HDAC9: variants seen among roughly 807,000 people sequenced by gnomAD.
The protein encoded by HDAC9 is MEF-2 interacting transcription repressor (MITR) protein.
In HDAC9, 41 loss-of-function variants were observed where a neutral mutation model predicts 139.4. That is an observed-to-expected ratio of 0.29 (90% CI 0.23 to 0.38). The LOEUF (loss-of-function observed/expected upper bound fraction) is 0.38. HDAC9 is among the 10% of genes least tolerant of loss of function. The probability of loss-of-function intolerance (pLI) is 1.00; values close to 1 mark genes in which losing one functional copy is unlikely to be tolerated. For missense variants in HDAC9, 1,147 were observed against 1,297.0 expected (o/e 0.88, Z 1.78); for synonymous variants, 517 against 476.2 (o/e 1.09, Z -1.12).
At chr7:18,778,664 T>A (rs141934320) in intron 16 of HDAC9, among the ~76,000 whole-genome samples, 2 of 152,164 alleles carry the variant, frequency 1.3e-5, no homozygotes, top group African/African-American at 4.8e-5. Context: ...ATTCCTTTAC[T>A]GGTCTTTACT....
chr7:18,705,507 A>G (rs1422453194), intron 12 of HDAC9, among the ~76,000 whole-genome samples: 3 of 152,052 alleles, frequency 2.0e-5, no homozygotes, highest in Non-Finnish European at 4.4e-5. Context: ...TTCTATTCCA[A>G]TGATTAACCG....
At chr7:18,834,318 C>A (rs1473909700) in intron 19 of HDAC9, among the ~76,000 whole-genome samples, 1 of 150,634 alleles carries the variant, frequency 6.6e-6, no homozygotes, top group Non-Finnish European at 1.5e-5. Context: ...ATAAATTATC[C>A]ACTTTTGGAG....
intron 1 of HDAC9, among the ~76,000 whole-genome samples, chr7:18,344,288 T>C (rs1782237097): frequency 6.6e-6 from 1 of 151,880 alleles, no homozygotes; most frequent in African/African-American, 2.4e-5. Flanking sequence ...TTATGTACTA[T>C]GTGGTAGGAA....
chr7:18,147,634 CA>C (rs1189454382), intron 1 of HDAC9, among the ~76,000 whole-genome samples: 2 of 141,664 alleles, frequency 1.4e-5, no homozygotes, highest in Non-Finnish European at 3.1e-5. Context: ...CCTCAGGACT[CA>C]TTTTTTTTTT....
rs528205630 is a variant in HDAC9 at position 18,337,558 on chromosome 7, A to G, written c.-42+47043A>G. The stretch of plus-strand genomic sequence containing the variant: ...TAATGTTATAATAATGTGCATTTTT[A>G]GTTCCTGATCTCATCTTCCTTGCAA... On this transcript the variant is annotated intron_variant, in intron 1 of 3. Transcript: ENST00000413509. Among the ~76,000 whole-genome samples, 3 of 151,844 alleles carry G rather than the reference A, an allele frequency of 2.0e-5. No homozygotes were observed. In the South Asian group the frequency reaches 6.2e-4, roughly 31 times the overall value.
At chr7:18,505,323 C>G (rs1429036065) in intron 2 of HDAC9, among the ~76,000 whole-genome samples, 1 of 152,086 alleles carries the variant, frequency 6.6e-6, no homozygotes, top group African/African-American at 2.4e-5. Context: ...TTATGGGGTT[C>G]ATTTATTTTG....
intron 22 of HDAC9, among the ~76,000 whole-genome samples, chr7:18,908,639 G>A (rs1255470405): frequency 6.6e-6 from 1 of 151,912 alleles, no homozygotes; most frequent in Non-Finnish European, 1.5e-5. Flanking sequence ...GTGAGATTGT[G>A]CGGTATTTAT....
chr7:18,960,950 G>A (rs747422490), intron 24 of HDAC9, among the ~76,000 whole-genome samples: 6 of 152,138 alleles, frequency 3.9e-5, no homozygotes, highest in African/African-American at 9.7e-5. Context: ...AACTAAAAGC[G>A]TTGTTTCTCC....
chr7:18,165,992 G>A (rs905202274), intron 2 of HDAC9, among the ~76,000 whole-genome samples: 8 of 152,028 alleles, frequency 5.3e-5, no homozygotes, highest in African/African-American at 1.9e-4. Context: ...TTTTAACCCA[G>A]GGCAGCTTTT....
At chr7:18,379,574 CACAA>C (rs1478326649) in intron 1 of HDAC9, among the ~76,000 whole-genome samples, 4 of 152,146 alleles carry the variant, frequency 2.6e-5, no homozygotes, top group African/African-American at 9.7e-5. Flanking sequence ...TGAACTCACA[CACAA>C]ACAATTTAAA....
At chr7:18,286,247 AAAAG>A (rs996790075), upstream of HDAC9, among the ~76,000 whole-genome samples, 4 of 151,988 alleles carry the variant, frequency 2.6e-5, no homozygotes, top group African/African-American at 9.7e-5. Context: ...TCCTAAGAAA[AAAAG>A]AAAAGGTAAT....
intron 2 of HDAC9, among the ~76,000 whole-genome samples, chr7:18,223,762 AATC>A (rs1461639804): frequency 6.6e-6 from 1 of 152,126 alleles, no homozygotes; most frequent in Non-Finnish European, 1.5e-5. Flanking sequence ...TTATTATAAT[AATC>A]ATCATTTCTT....
At chr7:18,341,621 G>C (rs1782018789) in intron 1 of HDAC9, among the ~76,000 whole-genome samples, 2 of 151,562 alleles carry the variant, frequency 1.3e-5, no homozygotes, top group Middle Eastern at 3.4e-3. Flanking sequence ...CCACTACTTA[G>C]TTTTTTGGAC....
At chr7:18,166,915 A>T (rs1788050180) in intron 2 of HDAC9, among the ~76,000 whole-genome samples, 1 of 152,210 alleles carries the variant, frequency 6.6e-6, no homozygotes, top group South Asian at 2.1e-4. Flanking sequence ...AATGAAACAG[A>T]GTCTTAGGGC....
intron 1 of HDAC9, among the ~76,000 whole-genome samples, chr7:18,367,847 A>G (rs925180930): frequency 1.3e-5 from 2 of 152,040 alleles, no homozygotes; most frequent in Non-Finnish European, 2.9e-5. Flanking sequence ...CAACACTTGT[A>G]TGTTTAGATT....
At chr7:18,982,076 G>A (rs569692319) in intron 25 of HDAC9, among the ~76,000 whole-genome samples, 23 of 152,218 alleles carry the variant, frequency 1.5e-4, no homozygotes, top group Admixed American at 1.4e-3. Context: ...AGGCATTCAA[G>A]ATGTCTTTAC....
intron 2 of HDAC9, chr7:18,502,326 C>T (rs1798613613): frequency 6.6e-6 from 1 of 152,160 alleles, no homozygotes; most frequent in African/African-American, 2.4e-5. Flanking sequence ...ATAGCATCAC[C>T]TGCCTATTCT....
intron 1 of HDAC9, among the ~76,000 whole-genome samples, chr7:18,123,058 A>C (rs879687609): frequency 6.6e-6 from 1 of 152,226 alleles, no homozygotes; most frequent in Non-Finnish European, 1.5e-5. Context: ...GTTTTGGCAC[A>C]ATGGGTGGTT....
intron 12 of HDAC9, among the ~76,000 whole-genome samples, chr7:18,708,641 C>A (rs1416318003): frequency 6.6e-6 from 1 of 152,062 alleles, no homozygotes; most frequent in African/African-American, 2.4e-5. Flanking sequence ...CTACAAGTCC[C>A]AGTATTGGGA....
Sources: gnomAD v4.1 joint callset for allele counts (sites outside exome capture counted in the v4.1 genomes callset) on GRCh38, gnomAD v4.1.1 for gene constraint, MANE v1.5 for transcripts, NCBI Gene and HGNC (gene_info 2026-07-23, HGNC 2026-07-21) for gene names.